The following NREP variants were observed in gnomAD, a reference collection of about 807,000 sequenced individuals.
NREP encodes the protein neuronal regeneration related protein.
NREP carries 5 observed loss-of-function variants against 8.6 expected under a neutral mutation model. The ratio of observed to expected loss-of-function variants is 0.58; its 90% CI spans 0.30 to 1.22. The LOEUF (loss-of-function observed/expected upper bound fraction) is 1.22, where lower values mean the gene tolerates loss of function less well. Ranked by LOEUF, NREP falls within the 50% of genes most tolerant of loss-of-function variation. The probability of loss-of-function intolerance (pLI) is 0.07; values close to 1 mark genes in which losing one functional copy is unlikely to be tolerated. For missense variants in NREP, 86 were observed against 82.5 expected, an observed-to-expected ratio of 1.04 and a Z score of -0.17; for synonymous variants, 27 against 28.0, an observed-to-expected ratio of 0.96 and a Z score of 0.11.
intron 2 of NREP, among the ~76,000 whole-genome samples, chr5:111,881,736 T>C (rs1754079540): frequency 6.6e-6 from 1 of 152,142 alleles, no homozygotes; most frequent in South Asian, 2.1e-4. Context: ...GGAGTGGACC[T>C]CTAGCAAACT....
At chr5:111,880,846 C>G (rs962699605) in intron 2 of NREP, among the ~76,000 whole-genome samples, 3 of 148,082 alleles carry the variant, frequency 2.0e-5, no homozygotes, top group African/African-American at 7.5e-5. Context: ...ATAGAGGCAG[C>G]CAAGATGGCT....
chr5:111,929,424 C>A (rs1203538152), intron 2 of NREP, among the ~76,000 whole-genome samples: 1 of 152,154 alleles, frequency 6.6e-6, no homozygotes, highest in African/African-American at 2.4e-5. Flanking sequence ...AGCCTAAGGG[C>A]CTTTGGAGCC....
intron 2 of NREP, among the ~76,000 whole-genome samples, chr5:111,811,462 C>G (rs997705981): frequency 3.9e-5 from 6 of 152,156 alleles, no homozygotes; most frequent in Non-Finnish European, 7.4e-5. Context: ...CCTCTTTCAA[C>G]GAAGACTTTG....
intron 2 of NREP, among the ~76,000 whole-genome samples, chr5:111,804,957 C>T (rs1189885884): frequency 1.3e-5 from 2 of 152,080 alleles, no homozygotes; most frequent in African/African-American, 4.8e-5. Context: ...GCCGAGATGG[C>T]GCCACTGCAC....
chr5:111,767,312 T>C (rs1267966071), intron 2 of NREP, among the ~76,000 whole-genome samples: 3 of 152,130 alleles, frequency 2.0e-5, no homozygotes, highest in African/African-American at 2.4e-5. Context: ...AAAAATCTTA[T>C]TAGTTTCCGA....
intron 2 of NREP, among the ~76,000 whole-genome samples, chr5:111,882,676 C>T (rs571195120): frequency 6.6e-6 from 1 of 152,182 alleles, no homozygotes; most frequent in Non-Finnish European, 1.5e-5. Context: ...GGCCAATATT[C>T]AACATTCTTA....
At chr5:111,862,994 A>G (rs1753585557) in intron 2 of NREP, among the ~76,000 whole-genome samples, 1 of 151,256 alleles carries the variant, frequency 6.6e-6, no homozygotes, top group Non-Finnish European at 1.5e-5. Context: ...TCTAAGAGCA[A>G]TGGCCATTAA....
chr5:111,880,571 C>G (rs1004194859), intron 2 of NREP, among the ~76,000 whole-genome samples: 3 of 152,080 alleles, frequency 2.0e-5, no homozygotes, highest in East Asian at 1.9e-4. Flanking sequence ...ATAAGAACAT[C>G]AGTCATATTG....
intron 2 of NREP, among the ~76,000 whole-genome samples, chr5:111,800,167 A>T (rs1751970978): frequency 2.0e-5 from 3 of 151,220 alleles, no homozygotes; most frequent in African/African-American, 7.3e-5. Context: ...TGCCCTTGTG[A>T]TTCGCCCGCC....
intron 2 of NREP, among the ~76,000 whole-genome samples, chr5:111,973,734 A>T (rs1009111281): frequency 6.6e-6 from 1 of 152,144 alleles, no homozygotes; most frequent in African/African-American, 2.4e-5. Flanking sequence ...AGTTTTTTAC[A>T]TTTAAGGATC....
intron 2 of NREP, among the ~76,000 whole-genome samples, chr5:111,777,355 A>AGTGTGTGT (rs57727316): frequency 6.7e-6 from 1 of 148,678 alleles, no homozygotes; most frequent in Non-Finnish European, 1.5e-5. Context: ...TGTGTGTGTG[A>AGTGTGTGT]GTGTGTGTGT....
chr5:111,975,328 T>C, exon 2 of NREP: 1 of 1,551,672 alleles, frequency 6.4e-7, no homozygotes, highest in South Asian at 1.2e-5. Flanking sequence ...AACAAGGGAC[T>C]CTGTCTGTCA....
chr5:111,810,871 T>C (rs138747727), intron 2 of NREP, among the ~76,000 whole-genome samples: 12 of 152,322 alleles, frequency 7.9e-5, no homozygotes, highest in Admixed American at 2.0e-4. Context: ...AGATTGAATG[T>C]TAAGTAAAGT....
intron 2 of NREP, among the ~76,000 whole-genome samples, chr5:111,867,822 A>G (rs767089723): frequency 6.6e-6 from 1 of 152,090 alleles, no homozygotes; most frequent in African/African-American, 2.4e-5. Context: ...TTTTGAGAAA[A>G]TTGAGGTAAA....
chr5:111,845,170 C>T (rs573130750), intron 2 of NREP, among the ~76,000 whole-genome samples: 21 of 152,082 alleles, frequency 1.4e-4, no homozygotes, highest in Non-Finnish European at 2.5e-4. Context: ...TTACTTCACT[C>T]TCCTTCCCCT....
intron 2 of NREP, among the ~76,000 whole-genome samples, chr5:111,962,479 A>C (rs1756507550): frequency 6.6e-6 from 1 of 152,138 alleles, no homozygotes. Context: ...TGTGCATCTA[A>C]ATACCCAATT....
At chr5:111,975,531 AT>A (rs1756938631) in intron 1 of NREP, among the ~76,000 whole-genome samples, 1 of 152,170 alleles carries the variant, frequency 6.6e-6, no homozygotes, top group Admixed American at 6.5e-5. Flanking sequence ...GGATCAGTTT[AT>A]TTCCATGAAG....
intron 2 of NREP, among the ~76,000 whole-genome samples, chr5:111,959,333 TAGAGAGGAG>T (rs1326762717): frequency 3.9e-5 from 6 of 151,922 alleles, no homozygotes; most frequent in Non-Finnish European, 7.4e-5. Flanking sequence ...GAGTAGTGAT[TAGAGAGGAG>T]TATAAGGCAG....
intron 2 of NREP, among the ~76,000 whole-genome samples, chr5:111,965,672 T>C (rs557696945): frequency 1.3e-5 from 2 of 152,318 alleles, no homozygotes; most frequent in East Asian, 3.9e-4. Context: ...TCACTATATA[T>C]CTTAAAAGGA....
Sources: allele counts gnomAD v4.1 joint callset (sites outside exome capture counted in the v4.1 genomes callset), GRCh38; gene constraint gnomAD v4.1.1; transcripts MANE v1.5; gene names NCBI Gene and HGNC (gene_info 2026-07-23, HGNC 2026-07-21).